The following MED21 variants were observed in gnomAD, a reference collection of about 807,000 sequenced individuals.
MED21 encodes mediator complex subunit 21, also known as mediator of RNA polymerase II transcription subunit 21.
A neutral mutation model predicts 18.2 loss-of-function variants in MED21; 9 were observed. The ratio of observed to expected loss-of-function variants is 0.49; its 90% CI spans 0.30 to 0.86. The LOEUF (loss-of-function observed/expected upper bound fraction) is 0.86, where lower values mean the gene tolerates loss of function less well. Among genes scored for constraint, MED21 ranks in the 40% least tolerant of loss-of-function variants. The probability of loss-of-function intolerance (pLI) is 0.07; values close to 1 mark genes in which losing one functional copy is unlikely to be tolerated. For synonymous variants in MED21, 73 were observed against 60.5 expected, an observed-to-expected ratio of 1.21 and a Z score of -0.96; for missense variants, 150 against 170.9, an observed-to-expected ratio of 0.88 and a Z score of 0.68.
chr12:27,034,763 T>C (rs554640689), downstream of MED21, among the ~76,000 whole-genome samples: 15 of 152,162 alleles, frequency 9.9e-5, no homozygotes, highest in South Asian at 2.1e-3. Context: ...CAAAACTCTT[T>C]TTTGGAAACG....
chr12:27,026,230 T>C (rs1941543237), intron 1 of MED21, among the ~76,000 whole-genome samples, 190 bp from the exon 2 acceptor site: 1 of 152,240 alleles, frequency 6.6e-6, no homozygotes, highest in South Asian at 2.1e-4. Flanking sequence ...AAACTTAGTT[T>C]CTTTGCAGAA....
rs1206979149 is a variant in MED21 at position 27,030,027 on chromosome 12, A to G, written c.*1566A>G. On this transcript the variant is annotated 3_prime_UTR_variant, in exon 4 of 4. Transcript: ENST00000282892. ...AGAAGGCATAATGTATAGGGTAAAT[A>G]TAATAGACTTCTCTTGAGGTTTTAA... is the stretch of plus-strand genomic sequence containing the variant. The G allele has an allele frequency of 6.8e-6, 3 of 438,638 alleles. No homozygotes were observed. In the East Asian group the frequency reaches 1.0e-4, roughly 15 times the overall value. The allele number at this position is 438,638 out of a possible 1,614,324, so 27.2% of individuals were successfully genotyped here. A position where few individuals can be genotyped will look rare whatever the true frequency, so the allele number is the denominator to read the frequency against.
chr12:27,023,300 C>CTTTCT (rs1555110747), intron 1 of MED21, among the ~76,000 whole-genome samples: 14 of 110,402 alleles, frequency 1.3e-4, no homozygotes, highest in South Asian at 5.9e-4. Flanking sequence ...TTTTTCTTTT[C>CTTTCT]TTTTTTTTTT....
intron 2 of MED21, 28 bp downstream of exon 2, chr12:27,026,562 G>T: frequency 2.1e-6 from 3 of 1,400,266 alleles, no homozygotes; most frequent in Non-Finnish European, 3.0e-6. Flanking sequence ...GCTTCTCTTA[G>T]TTTGACTCTC....
downstream of MED21, among the ~76,000 whole-genome samples, chr12:27,034,825 A>G (rs1385561537): frequency 2.0e-5 from 3 of 152,036 alleles, no homozygotes; most frequent in East Asian, 1.9e-4. Context: ...ATCTCGGCTC[A>G]CTGCAACCTC....
intron 1 of MED21, among the ~76,000 whole-genome samples, chr12:27,025,259 T>C (rs1272533804): frequency 6.6e-6 from 1 of 152,204 alleles, no homozygotes; most frequent in East Asian, 1.9e-4. Flanking sequence ...TGAGCACTTA[T>C]TGCTCCATTA....
At chr12:27,031,910 C>T (rs1482826723), downstream of MED21, among the ~76,000 whole-genome samples, 1 of 152,096 alleles carries the variant, frequency 6.6e-6, no homozygotes, top group Non-Finnish European at 1.5e-5. Flanking sequence ...GGCGTGCGTA[C>T]CCCTTGGCCC....
chr12:27,029,367 A>G lies in MED21; in HGVS notation c.*906A>G, dbSNP rs1281391430. On this transcript the variant is annotated 3_prime_UTR_variant, in exon 4 of 4. Coordinates refer to ENST00000282892, the MANE Select transcript of MED21 (RefSeq NM_004264.5). Reference sequence around the variant, plus strand: ...AATAATAATTTGTGTCAGCATTTTCAACTATGGTTATTCATCCAACCCTTG... The same window carrying G: ...AATAATAATTTGTGTCAGCATTTTCGACTATGGTTATTCATCCAACCCTTG... 1 of 985,270 alleles carries G rather than the reference A, an allele frequency of 1.0e-6. No individual in the cohort carries two copies. The highest frequency in any genetic ancestry group is 1.2e-6 in the Non-Finnish European group (1 of 829,920). 61.0% of individuals were successfully genotyped at this position (985,270 alleles called of 1,614,324 possible). A position where few individuals can be genotyped will look rare whatever the true frequency, so the allele number is the denominator to read the frequency against.
rs1941581226 is a variant in MED21, at chr12:27,028,967, G to A, written c.*506G>A. ...GCTTTTAAGAAATAGAGTTAGTGTGGCTGGATAAGAAAGTCACATTTATGC... is the reference window on the plus strand; with the variant it reads ...GCTTTTAAGAAATAGAGTTAGTGTGACTGGATAAGAAAGTCACATTTATGC... On this transcript the variant is annotated 3_prime_UTR_variant, in exon 4 of 4. Coordinates refer to ENST00000282892, the MANE Select transcript of MED21 (RefSeq NM_004264.5). 1 of 985,334 alleles carries A rather than the reference G, an allele frequency of 1.0e-6. No homozygotes were observed. Among genetic ancestry groups the A allele is most frequent in the Admixed American group, 6.1e-5 (1 of 16,268 alleles). 61.0% of individuals were successfully genotyped at this position (985,334 alleles called of 1,614,324 possible). A position where few individuals can be genotyped will look rare whatever the true frequency, so the allele number is the denominator to read the frequency against.
At chr12:27,031,009 G>C (rs1000377855), downstream of MED21, among the ~76,000 whole-genome samples, 3 of 152,228 alleles carry the variant, frequency 2.0e-5, no homozygotes, top group African/African-American at 7.2e-5. Context: ...TCGGGCTTAA[G>C]TGATTCTCCT....
rs78400983 is a variant in MED21, at chr12:27,029,192, A to G, written c.*731A>G. ...CATCACAATGAAGTATGTTTTTTGA[A>G]TCATCAATTCTTTCTCATTCTCCAT... On this transcript the variant is annotated 3_prime_UTR_variant, in exon 4 of 4. Transcript: ENST00000282892. 1 of 985,200 alleles carries G rather than the reference A, an allele frequency of 1.0e-6. No homozygotes were observed. The highest frequency in any genetic ancestry group is 5.2e-4 in the Middle Eastern group (1 of 1,914). 61.0% of individuals were successfully genotyped at this position (985,200 alleles called of 1,614,324 possible).
At position 27,028,797 on chromosome 12, in the gene MED21, T is replaced by G; in HGVS notation, c.*336T>G. Reference sequence around the variant, plus strand: ...ATTTTGTTGTATTGGCCAGTACTTTTACAAATCAAAACATCTCTCAAGCCA... The same window carrying G: ...ATTTTGTTGTATTGGCCAGTACTTTGACAAATCAAAACATCTCTCAAGCCA... On this transcript the variant is annotated 3_prime_UTR_variant, in exon 4 of 4. Coordinates refer to ENST00000282892, the MANE Select transcript of MED21 (RefSeq NM_004264.5). 2.0e-6 allele frequency: 2 copies of G among 1,003,054 alleles called. No homozygotes were observed. The highest frequency in any genetic ancestry group is 8.9e-5 in the South Asian group (2 of 22,370). The allele number at this position is 1,003,054 out of a possible 1,614,324, so 62.1% of individuals were successfully genotyped here.
In MED21 at chr12:27,029,023, G is replaced by T. The variant is rs1293890403; in HGVS notation, c.*562G>T. The T allele has an allele frequency of 1.4e-4, 135 of 985,304 alleles. No homozygotes were observed. Among genetic ancestry groups the T allele is most frequent in the Non-Finnish European group, 1.6e-4 (133 of 829,912 alleles). 61.0% of individuals were successfully genotyped at this position (985,304 alleles called of 1,614,324 possible). On this transcript the variant is annotated 3_prime_UTR_variant, in exon 4 of 4. Transcript: ENST00000282892. Reference sequence around the variant, plus strand: ...TTTCTTCTGCTAGAACCTCATACCTGTTCTAGTTCATCTCCACGTTTATTT... The same window carrying T: ...TTTCTTCTGCTAGAACCTCATACCTTTTCTAGTTCATCTCCACGTTTATTT...
At chr12:27,036,110 GA>G (rs1332407699) in intron 2 of MED21, among the ~76,000 whole-genome samples, 1 of 152,152 alleles carries the variant, frequency 6.6e-6, no homozygotes, top group East Asian at 1.9e-4. Context: ...GTTGTTTCCT[GA>G]CTTCTTAATG....
intron 2 of MED21, among the ~76,000 whole-genome samples, chr12:27,026,761 TATTA>T (rs1254707864): frequency 6.6e-6 from 1 of 152,242 alleles, no homozygotes. Context: ...GGAGAATTTG[TATTA>T]ATTTAGCTGA....
chr12:27,025,495 G>T (rs78764400), intron 1 of MED21, among the ~76,000 whole-genome samples: 2,609 of 152,214 alleles, frequency 0.017, 74 homozygotes, highest in African/African-American at 0.06. Context: ...ACAACAAGAA[G>T]ACTATTGTAA....
At position 27,028,334 on chromosome 12, in the gene MED21, G is replaced by T; in HGVS notation, c.308G>T (p.Cys103Phe). Residue 103 changes from cysteine to phenylalanine, a missense_variant, in exon 4 of 4, where the codon TGT becomes TTT. Physicochemically the swap from Cys to Phe is radical, Grantham distance 205. Transcript: ENST00000282892. ...LEEENHEAAT[C>F]LEDVVYRGDM... ...GAAGAAAACCATGAAGCTGCTACAT[G>T]TCTGGAGGATGTTGTTTATCGAGGA... 6.2e-7 allele frequency: 1 copy of T among 1,614,158 alleles called. No homozygotes were observed. The highest frequency in any genetic ancestry group is 8.5e-7 in the Non-Finnish European group (1 of 1,180,008).
rs774429408 is a variant in MED21, at chr12:27,028,337, T to C, written c.311T>C (p.Leu104Pro). 1 of 1,614,168 alleles carries C rather than the reference T, an allele frequency of 6.2e-7. No individual in the cohort carries two copies. Among genetic ancestry groups the C allele is most frequent in the East Asian group, 2.2e-5 (1 of 44,872 alleles). Residue 104 changes from leucine (L) to proline (P), a missense_variant, in exon 4 of 4, where the codon CTG becomes CCG. By Grantham distance (98) the Leu-to-Pro change is moderately conservative. Transcript: ENST00000282892. ...EEENHEAATC[L>P]EDVVYRGDML... ...GAAAACCATGAAGCTGCTACATGTC[T>C]GGAGGATGTTGTTTATCGAGGAGAC...
In MED21 at chr12:27,030,114, G is replaced by A; in HGVS notation, c.*1653G>A. On this transcript the variant is annotated 3_prime_UTR_variant, in exon 4 of 4. Coordinates refer to ENST00000282892, the MANE Select transcript of MED21 (RefSeq NM_004264.5). ...TTGTTGTATGTGATTCTCTGTAGAG[G>A]ATATACAGTTTTTTTTTGTTGTTCT... 1 of 607,534 alleles carries A rather than the reference G, an allele frequency of 1.6e-6. No homozygotes were observed. 37.6% of individuals were successfully genotyped at this position (607,534 alleles called of 1,614,324 possible).
Sources: gnomAD v4.1 joint callset for allele counts (sites outside exome capture counted in the v4.1 genomes callset) on GRCh38, gnomAD v4.1.1 for gene constraint, MANE v1.5 for transcripts, NCBI Gene and HGNC (gene_info 2026-07-23, HGNC 2026-07-21) for gene names.